Variants in TAP1 observed in about 807,000 individuals in gnomAD.
TAP1 encodes the protein transporter 1, ATP binding cassette subfamily B member, also known as antigen peptide transporter 1.
A neutral mutation model predicts 79.3 loss-of-function variants in TAP1; 56 were observed. The ratio of observed to expected loss-of-function variants is 0.71; its 90% CI spans 0.57 to 0.88. The LOEUF is 0.88. Ranked by LOEUF, TAP1 falls within the 40% of genes least tolerant of loss-of-function variation. TAP1 has a pLI of 0.00. For missense variants in TAP1, 737 were observed against 936.3 expected (o/e 0.79, Z 2.78); for synonymous variants, 355 against 401.4 (o/e 0.88, Z 1.38).
chr6:32,846,431 G>T (rs894898271), intron 10 of TAP1: 3 of 167,854 alleles, frequency 1.8e-5, no homozygotes, highest in Admixed American at 1.1e-4. Context: ...AGGCCAGCCT[G>T]GGCAACATAG....
Position 32,851,924 on chromosome 6 carries a change from T to TGA in TAP1, c.844+183_844+184dup, listed in dbSNP as rs35429362. 0.35 allele frequency among the ~76,000 whole-genome samples: 51,124 copies of TGA among 147,216 alleles called. 9,067 individuals are homozygous for TGA. Among genetic ancestry groups the TGA allele is most frequent in the Middle Eastern group, 0.45 (127 of 284 alleles). Reference sequence around the variant, plus strand: ...AAAAACAATTGTGTGTGTGTGTGTGTGAGAGAGAGAGAGAGAGAGACAGAG... The same window carrying TGA: ...AAAAACAATTGTGTGTGTGTGTGTGTGAGAGAGAGAGAGAGAGAGAGACAGAG... On this transcript the variant is annotated intron_variant, in intron 3 of 10. Transcript: ENST00000354258. This position sits in a 1 kb window ranked among gnomAD's most constrained non-coding sequence, Gnocchi z 4.8.
At chr6:32,849,958 C>T (rs1363392848) in intron 5 of TAP1, 10 of 376,912 alleles carry the variant, frequency 2.7e-5, no homozygotes, top group Non-Finnish European at 5.0e-5. Flanking sequence ...ATTCCCATCA[C>T]TCTCACTAAC....
intron 6 of TAP1, 47 bp downstream of exon 6, chr6:32,848,943 G>C (rs1770612244): frequency 6.2e-7 from 1 of 1,612,622 alleles, no homozygotes; most frequent in African/African-American, 1.3e-5. Flanking sequence ...ATGGTGCTGG[G>C]CCAGAGGAAG....
At position 32,845,509 on chromosome 6, in the gene TAP1, G is replaced by A; in HGVS notation, c.*70C>T. On this transcript the variant is annotated 3_prime_UTR_variant, in exon 11 of 11. Transcript: ENST00000354258. This position sits in a 1 kb window ranked among gnomAD's most constrained non-coding sequence, Gnocchi z 4.5. ...CATCCTGGAGGCAGCTGCCTACTCT[G>A]CAGCTGTGGTTCTCCACCACAGAGA... The A allele has an allele frequency of 1.9e-6, 3 of 1,545,384 alleles. No homozygotes were observed. The highest frequency in any genetic ancestry group is 1.8e-6 in the Non-Finnish European group (2 of 1,120,232).
At chr6:32,846,187 T>G (rs1332258235) in intron 10 of TAP1, 1 of 284,022 alleles carries the variant, frequency 3.5e-6, no homozygotes, top group Non-Finnish European at 6.9e-6. Flanking sequence ...CTATATGACC[T>G]CTATATGAGC....
chr6:32,853,113 C>T lies in TAP1; in HGVS notation c.524G>A (p.Arg175Gln). 1 of 1,612,836 alleles carries T rather than the reference C, an allele frequency of 6.2e-7. No homozygotes were observed. The highest frequency in any genetic ancestry group is 8.5e-7 in the Non-Finnish European group (1 of 1,179,988). ...GQGGSGNPVR[R>Q]LLGCLGSETR... ...CTCCGAGCCCAGGCAGCCTAGAAGC[C>T]GACGCACAGGGTTTCCAGAGCCGCC... Residue 175 changes from arginine (R) to glutamine (Q), a missense_variant, in exon 1 of 11, where the codon CGG becomes CAG. This residue lies in a region of TAP1 where 406 missense variants were observed against 477.2 expected (regional missense o/e 0.85). Coordinates refer to ENST00000354258, the MANE Select transcript of TAP1 (RefSeq NM_000593.6). The surrounding 1 kb of genome is among the most constrained non-coding windows in gnomAD (Gnocchi z 8.3).
At position 32,853,020 on chromosome 6, in the gene TAP1, T is replaced by G. The variant is rs1770889152; in HGVS notation, c.598+19A>C. On this transcript the variant is annotated intron_variant, in intron 1 of 10. Transcript: ENST00000354258. The surrounding 1 kb of genome is among the most constrained non-coding windows in gnomAD (Gnocchi z 8.3). ...CCAGTCCCCTTGTGTCCTCCCCTCT[T>G]GCCCTGCGTTCCCCTTACCAAGAGA... is the stretch of plus-strand genomic sequence containing the variant. 1.2e-6 allele frequency: 2 copies of G among 1,608,022 alleles called. No individual in the cohort carries two copies. The highest frequency in any genetic ancestry group is 1.3e-5 in the African/African-American group (1 of 74,900).
chr6:32,849,038 G>C lies in TAP1; in HGVS notation c.1329C>G (p.Asn443Lys). ...TCTGGTAGAGAACAAATGTGACAAGGTTCCCACTGCTTACAGCCCCACTGG... is the reference window on the plus strand; with the variant it reads ...TCTGGTAGAGAACAAATGTGACAAGCTTCCCACTGCTTACAGCCCCACTGG... Reference protein sequence around the residue: ...LVTSGAVSSGNLVTFVLYQMQ... With the variant: ...LVTSGAVSSGKLVTFVLYQMQ... The change falls in exon 6 of 11, where the codon AAC becomes AAG. Residue 443 changes from asparagine to lysine, a missense_variant. Physicochemically the swap from Asn to Lys is moderately conservative, Grantham distance 94. Around this residue, in one of 5 missense-constraint regions of TAP1, gnomAD observed 406 missense variants for 477.2 expected, o/e 0.85. Transcript: ENST00000354258. 1 of 1,607,562 alleles carries C rather than the reference G, an allele frequency of 6.2e-7. No individual in the cohort carries two copies. Among genetic ancestry groups the C allele is most frequent in the Non-Finnish European group, 8.5e-7 (1 of 1,177,744 alleles).
At position 32,852,661 on chromosome 6, in the gene TAP1, C is replaced by T. The variant is rs536711757; in HGVS notation, c.599-159G>A. The T allele has an allele frequency of 3.3e-6, 5 of 1,521,904 alleles. No individual in the cohort carries two copies. The highest frequency in any genetic ancestry group is 2.8e-5 in the African/African-American group (2 of 72,622). 94.3% of individuals were successfully genotyped at this position (1,521,904 alleles called of 1,614,324 possible). A position where few individuals can be genotyped will look rare whatever the true frequency, so the allele number is the denominator to read the frequency against. On this transcript the variant is annotated intron_variant, in intron 1 of 10. Transcript: ENST00000354258. The surrounding 1 kb of genome is among the most constrained non-coding windows in gnomAD (Gnocchi z 4.8). ...CTCAATCCCGAACCTAAATAGGCTG[C>T]CCTGGAACTCACTACCCTGTGGTTG...
At position 32,845,749 on chromosome 6, in the gene TAP1, A is replaced by T. The variant is rs192960052; in HGVS notation, c.2077T>A (p.Ser693Thr). The change falls in exon 11 of 11, where the codon TCC becomes ACC. Residue 693 changes from serine (S) to threonine (T), a missense_variant. By Grantham distance (58) the Ser-to-Thr change is moderately conservative. Transcript: ENST00000354258. The surrounding 1 kb of genome is among the most constrained non-coding windows in gnomAD (Gnocchi z 4.5). ...QLLYESPERYSRSVLLITQHL... is the reference protein window; with the variant it reads ...QLLYESPERYTRSVLLITQHL... The stretch of plus-strand genomic sequence containing the variant: ...TGGGTGATGAGAAGCACTGAGCGGG[A>T]GTACCGCTCAGGGCTTTCGTACAGG... 3.1e-5 allele frequency: 50 copies of T among 1,612,680 alleles called. No homozygotes were observed. In the Middle Eastern group the frequency reaches 1.5e-3, roughly 48 times the overall value.
Position 32,852,089 on chromosome 6 carries a change from GAA to G in TAP1, c.844+18_844+19del. On this transcript the variant is annotated intron_variant, in intron 3 of 10. Coordinates refer to ENST00000354258, the MANE Select transcript of TAP1 (RefSeq NM_000593.6). The surrounding 1 kb of genome is among the most constrained non-coding windows in gnomAD (Gnocchi z 4.8). The stretch of plus-strand genomic sequence containing the variant: ...ATATGAACAGTACATGGCGTATAAT[GAA>G]AGAGTTTCAGGAGAAACCTGTCTGG... 6.2e-7 allele frequency: 1 copy of G among 1,612,954 alleles called. No individual in the cohort carries two copies. The highest frequency in any genetic ancestry group is 8.5e-7 in the Non-Finnish European group (1 of 1,180,012).
At position 32,851,746 on chromosome 6, in the gene TAP1, T is replaced by C. The variant is rs72860335; in HGVS notation, c.844+363A>G. 6.6e-6 allele frequency among the ~76,000 whole-genome samples: 1 copy of C among 152,218 alleles called. No homozygotes were observed. The highest frequency in any genetic ancestry group is 1.5e-5 in the Non-Finnish European group (1 of 68,036). On this transcript the variant is annotated intron_variant, in intron 3 of 10. Coordinates refer to ENST00000354258, the MANE Select transcript of TAP1 (RefSeq NM_000593.6). This position sits in a 1 kb window ranked among gnomAD's most constrained non-coding sequence, Gnocchi z 4.8. ...TCTCTGTCAGATGAGGCAGTTGGTC[T>C]CTATGAGCTCAAAATTTCCAGGTTT...
In TAP1 at chr6:32,853,085, C is replaced by T. The variant is rs138368358; in HGVS notation, c.552G>A (p.Thr184=). ...RRLLGCLGSE[T]RRLSLFLVLV... ...GGACCAGGAACAGCGAGAGGCGGCG[C>T]GTCTCCGAGCCCAGGCAGCCTAGAA... The change falls in exon 1 of 11, where the codon ACG becomes ACA. Residue 184 remains threonine (T), a synonymous_variant. Transcript: ENST00000354258. The surrounding 1 kb of genome is among the most constrained non-coding windows in gnomAD (Gnocchi z 8.3). 6.2e-7 allele frequency: 1 copy of T among 1,612,526 alleles called. No homozygotes were observed. The highest frequency in any genetic ancestry group is 1.3e-5 in the African/African-American group (1 of 74,948).
chr6:32,847,264 G>A lies in TAP1; in HGVS notation c.1904-60C>T, dbSNP rs1012390358. The A allele has an allele frequency of 7.5e-6, 11 of 1,471,740 alleles. No individual in the cohort carries two copies. Among genetic ancestry groups the A allele is most frequent in the Admixed American group, 1.8e-5 (1 of 55,152 alleles). The allele number at this position is 1,471,740 out of a possible 1,614,324, so 91.2% of individuals were successfully genotyped here. A position where few individuals can be genotyped will look rare whatever the true frequency, so the allele number is the denominator to read the frequency against. Reference sequence around the variant, plus strand: ...GCCACATGTGTGCACGCATGTACATGCACACAGACACACTCATGCATTCAC... The same window carrying A: ...GCCACATGTGTGCACGCATGTACATACACACAGACACACTCATGCATTCAC... On this transcript the variant is annotated intron_variant, in intron 9 of 10. Transcript: ENST00000354258. The surrounding 1 kb of genome is among the most constrained non-coding windows in gnomAD (Gnocchi z 4.7).
At chr6:32,846,798 CTGAG>C (rs1461594205) in intron 10 of TAP1, among the ~76,000 whole-genome samples, 2 of 151,056 alleles carry the variant, frequency 1.3e-5, no homozygotes, top group Non-Finnish European at 2.9e-5. Flanking sequence ...GCCTGGGCAA[CTGAG>C]TGAGACACTG....
rs59884871 is a variant in TAP1, at chr6:32,846,511, G to A, written c.2040+557C>T. 420 of 170,556 alleles carry A rather than the reference G, an allele frequency of 2.5e-3. 9 individuals are homozygous for A. The highest frequency in any genetic ancestry group is 0.019 in the South Asian group (158 of 8,140). The allele number at this position is 170,556 out of a possible 1,614,324, so 10.6% of individuals were successfully genotyped here. A position where few individuals can be genotyped will look rare whatever the true frequency, so the allele number is the denominator to read the frequency against. ...ATTATGAGGATGGTCTTTTCCTTAT[G>A]TTTCGCTTTAGAAATTCAGTCTATA... On this transcript the variant is annotated intron_variant, in intron 10 of 10. Transcript: ENST00000354258.
At position 32,847,819 on chromosome 6, in the gene TAP1, G is replaced by C; in HGVS notation, c.1740+100C>G. On this transcript the variant is annotated intron_variant, in intron 8 of 10. Transcript: ENST00000354258. This position sits in a 1 kb window ranked among gnomAD's most constrained non-coding sequence, Gnocchi z 4.7. ...TGACTACACCACCATCTCCACCCAA[G>C]GTCTCTTATCATTCCCTAACCCCTC... The C allele has an allele frequency of 6.3e-7, 1 of 1,581,092 alleles. No homozygotes were observed.
In TAP1 at chr6:32,847,233, G is replaced by A. The variant is rs186505284; in HGVS notation, c.1904-29C>T. The A allele has an allele frequency of 1.7e-5, 27 of 1,609,258 alleles. No homozygotes were observed. Among genetic ancestry groups the A allele is most frequent in the Non-Finnish European group, 2.2e-5 (26 of 1,179,974 alleles). On this transcript the variant is annotated intron_variant, in intron 9 of 10. Transcript: ENST00000354258. The surrounding 1 kb of genome is among the most constrained non-coding windows in gnomAD (Gnocchi z 4.7). Reference sequence around the variant, plus strand: ...CAGAGCAAAGGGCCAAGATGAGAACGGTATAGCCACATGTGTGCACGCATG... The same window carrying A: ...CAGAGCAAAGGGCCAAGATGAGAACAGTATAGCCACATGTGTGCACGCATG...
rs2284190 is a variant in TAP1 at position 32,851,740 on chromosome 6, T to C, written c.844+369A>G. On this transcript the variant is annotated intron_variant, in intron 3 of 10. Transcript: ENST00000354258. This position sits in a 1 kb window ranked among gnomAD's most constrained non-coding sequence, Gnocchi z 4.8. ...TTTCCTTCTCTGTCAGATGAGGCAG[T>C]TGGTCTCTATGAGCTCAAAATTTCC... is the stretch of plus-strand genomic sequence containing the variant. 0.13 allele frequency among the ~76,000 whole-genome samples: 19,560 copies of C among 152,234 alleles called. 1,309 individuals are homozygous for C. The highest frequency in any genetic ancestry group is 0.18 in the East Asian group (957 of 5,180).
Sources: allele counts gnomAD v4.1 joint callset (sites outside exome capture counted in the v4.1 genomes callset), GRCh38; gene constraint gnomAD v4.1.1; regional missense constraint gnomAD v4.1.1; non-coding constraint Gnocchi (gnomAD v3.1); transcripts MANE v1.5; gene names NCBI Gene and HGNC (gene_info 2026-07-23, HGNC 2026-07-21).